Variants in GRM7 observed in about 807,000 individuals in gnomAD.
GRM7 encodes glutamate metabotropic receptor 7.
Under a neutral mutation model 84.5 loss-of-function variants are expected in GRM7, and 35 were observed. The observed-to-expected ratio is 0.41, with a 90% CI of 0.32 to 0.55. The LOEUF (loss-of-function observed/expected upper bound fraction) is 0.55, where lower values mean the gene tolerates loss of function less well. GRM7 is among the 20% of genes least tolerant of loss of function. The probability of loss-of-function intolerance (pLI) is 0.19; values close to 1 mark genes in which losing one functional copy is unlikely to be tolerated. For missense variants in GRM7, 1,003 were observed against 1,194.6 expected (o/e 0.84, Z 2.36); for synonymous variants, 487 against 455.1 (o/e 1.07, Z -0.89).
At chr3:7,284,630 T>C (rs1699367476) in intron 2 of GRM7, among the ~76,000 whole-genome samples, 1 of 152,164 alleles carries the variant, frequency 6.6e-6, no homozygotes, top group African/African-American at 2.4e-5. Flanking sequence ...ATTTTGTTTA[T>C]CATGAGGGAG....
intron 8 of GRM7, among the ~76,000 whole-genome samples, chr3:7,673,557 G>A (rs1022405056): frequency 6.6e-6 from 1 of 151,604 alleles, no homozygotes; most frequent in African/African-American, 2.4e-5. Flanking sequence ...AAAAATAGTG[G>A]CATGATTTTA....
At chr3:7,069,180 A>T (rs73808630) in intron 1 of GRM7, among the ~76,000 whole-genome samples, 131 of 152,098 alleles carry the variant, frequency 8.6e-4, no homozygotes, top group African/African-American at 3.0e-3. Flanking sequence ...GCAGGTTAAG[A>T]GACAGCTATG....
At chr3:7,539,607 G>A (rs948582585) in intron 7 of GRM7, among the ~76,000 whole-genome samples, 1 of 151,382 alleles carries the variant, frequency 6.6e-6, no homozygotes, top group Non-Finnish European at 1.5e-5. Flanking sequence ...CCTGGGAGGT[G>A]GAGGTTGCAG....
intron 2 of GRM7, among the ~76,000 whole-genome samples, chr3:7,277,011 T>C: frequency 6.6e-6 from 1 of 151,960 alleles, no homozygotes; most frequent in Non-Finnish European, 1.5e-5. Flanking sequence ...AAAGCAGTGT[T>C]GTAGCTGGTA....
intron 2 of GRM7, among the ~76,000 whole-genome samples, chr3:7,220,698 T>C (rs1230188985): frequency 6.6e-6 from 1 of 152,238 alleles, no homozygotes; most frequent in Non-Finnish European, 1.5e-5. Context: ...TATTAATTAA[T>C]GTTAGATGTT....
chr3:6,887,891 T>C (rs1356476486), intron 1 of GRM7, among the ~76,000 whole-genome samples: 1 of 152,194 alleles, frequency 6.6e-6, no homozygotes, highest in Non-Finnish European at 1.5e-5. Context: ...CTCCAGCACC[T>C]GTTGTTTCCT....
chr3:6,862,775 C>A lies in GRM7; in HGVS notation c.519+868C>A. The A allele has an allele frequency of 3.2e-6, 1 of 316,282 alleles. No individual in the cohort carries two copies. The highest frequency in any genetic ancestry group is 2.3e-5 in the South Asian group (1 of 43,812). 19.6% of individuals were successfully genotyped at this position (316,282 alleles called of 1,614,324 possible). A position where few individuals can be genotyped will look rare whatever the true frequency, so the allele number is the denominator to read the frequency against. ...CCCTGACGCAGACCCCAAGCCAAAT[C>A]CTCGGCTTGGAGGACGATTCCCGGA... On this transcript the variant is annotated intron_variant, in intron 1 of 9. Transcript: ENST00000357716. The surrounding 1 kb of genome is among the most constrained non-coding windows in gnomAD (Gnocchi z 5.2).
intron 4 of GRM7, among the ~76,000 whole-genome samples, chr3:7,314,339 G>T (rs566681190): frequency 1.3e-5 from 2 of 148,506 alleles, no homozygotes; most frequent in African/African-American, 5.0e-5. Flanking sequence ...CCTAAAAATT[G>T]ATTTCACTGT....
intron 1 of GRM7, among the ~76,000 whole-genome samples, chr3:7,116,605 G>C (rs1194270149): frequency 3.9e-5 from 6 of 152,104 alleles, no homozygotes; most frequent in African/African-American, 1.4e-4. Context: ...GTTATAAGAA[G>C]GCAACAGGTT....
At chr3:7,127,986 C>T (rs140320353) in intron 1 of GRM7, among the ~76,000 whole-genome samples, 273 of 151,668 alleles carry the variant, frequency 1.8e-3, no homozygotes, top group African/African-American at 6.2e-3. Context: ...AGAATTATTT[C>T]GAGTAGGAAA....
intron 5 of GRM7, among the ~76,000 whole-genome samples, chr3:7,447,873 A>G (rs768757810): frequency 7.3e-5 from 11 of 149,814 alleles, no homozygotes; most frequent in African/African-American, 2.7e-4. Context: ...AGCATTACAT[A>G]TATCTCCTAA....
chr3:7,185,917 A>C (rs889083452), intron 2 of GRM7, among the ~76,000 whole-genome samples: 6 of 152,184 alleles, frequency 3.9e-5, no homozygotes, highest in African/African-American at 1.4e-4. Flanking sequence ...AAATTGAGCA[A>C]ATTTTGTTTG....
chr3:7,316,527 T>C (rs1344308571), intron 4 of GRM7, among the ~76,000 whole-genome samples: 2 of 152,172 alleles, frequency 1.3e-5, no homozygotes, highest in East Asian at 3.9e-4. Flanking sequence ...ATTTAAAATA[T>C]ATTTTGAAGC....
At chr3:7,214,739 T>C (rs1347538453) in intron 2 of GRM7, among the ~76,000 whole-genome samples, 1 of 152,116 alleles carries the variant, frequency 6.6e-6, no homozygotes, top group East Asian at 1.9e-4. Context: ...GTTTGAAAAA[T>C]ACGTTCAGAG....
At chr3:7,015,839 A>G (rs1695544775) in intron 1 of GRM7, among the ~76,000 whole-genome samples, 4 of 152,214 alleles carry the variant, frequency 2.6e-5, no homozygotes, top group Admixed American at 2.6e-4. Flanking sequence ...GAAGGAGGCC[A>G]GAGTGCCTTT....
chr3:7,688,003 T>C (rs1305969547), intron 9 of GRM7, among the ~76,000 whole-genome samples: 1 of 151,960 alleles, frequency 6.6e-6, no homozygotes, highest in Non-Finnish European at 1.5e-5. Flanking sequence ...GATTTCAAGT[T>C]TTTTTTGTAG....
intron 2 of GRM7, among the ~76,000 whole-genome samples, chr3:7,171,675 A>T (rs576368246): frequency 1.3e-5 from 2 of 152,204 alleles, no homozygotes; most frequent in African/African-American, 4.8e-5. Flanking sequence ...AAACAAACAA[A>T]AGGTAAACCG....
intron 1 of GRM7, among the ~76,000 whole-genome samples, chr3:6,939,389 T>TGTGG (rs1385267817): frequency 6.6e-6 from 1 of 151,788 alleles, no homozygotes; most frequent in African/African-American, 2.4e-5. Context: ...CCTCCAAACA[T>TGTGG]GTGGGTGAGG....
At chr3:7,441,260 T>G (rs1697275328) in intron 5 of GRM7, among the ~76,000 whole-genome samples, 1 of 152,198 alleles carries the variant, frequency 6.6e-6, no homozygotes, top group Admixed American at 6.5e-5. Flanking sequence ...ATTTTTTTCA[T>G]GTGTTTTGGT....
Sources: allele counts gnomAD v4.1 joint callset (sites outside exome capture counted in the v4.1 genomes callset), GRCh38; gene constraint gnomAD v4.1.1; non-coding constraint Gnocchi (gnomAD v3.1); transcripts MANE v1.5; gene names NCBI Gene and HGNC (gene_info 2026-07-23, HGNC 2026-07-21).